CUX2: variants seen among roughly 807,000 people sequenced by gnomAD.
CUX2 encodes the protein cut like homeobox 2.
In CUX2, 40 loss-of-function variants were observed where a neutral mutation model predicts 144.8. The ratio of observed to expected loss-of-function variants is 0.28; its 90% confidence interval spans 0.21 to 0.36. The LOEUF (loss-of-function observed/expected upper bound fraction) is 0.36. Ranked by LOEUF, CUX2 falls within the 10% of genes least tolerant of loss-of-function variation. CUX2 has a pLI of 1.00. For missense variants in CUX2, 1,615 were observed against 1,994.0 expected (o/e 0.81, Z 3.62); for synonymous variants, 827 against 875.6 (o/e 0.94, Z 0.98).
chr12:111,301,129 C>A (rs552788515), intron 9 of CUX2, among the ~76,000 whole-genome samples: 3 of 151,602 alleles, frequency 2.0e-5, no homozygotes, highest in South Asian at 4.2e-4. Flanking sequence ...AAAACCCACA[C>A]ATTATGGAGA....
At chr12:111,294,920 G>C (rs976418269) in intron 6 of CUX2, among the ~76,000 whole-genome samples, 1 of 151,930 alleles carries the variant, frequency 6.6e-6, no homozygotes, top group Non-Finnish European at 1.5e-5. Context: ...AAAAGAAAAC[G>C]GAGGAAATAT....
chr12:111,210,512 G>C (rs1881159180), intron 1 of CUX2, among the ~76,000 whole-genome samples: 1 of 152,132 alleles, frequency 6.6e-6, no homozygotes, highest in Admixed American at 6.5e-5. Context: ...TATCAGCCAA[G>C]GCCAGGCACA....
intron 1 of CUX2, among the ~76,000 whole-genome samples, chr12:111,131,843 C>G (rs73413579): frequency 0.019 from 2,953 of 152,294 alleles, 88 homozygotes; most frequent in African/African-American, 0.066. Context: ...TACAGCCTCC[C>G]TCTCAGACAC....
At chr12:111,302,466 G>A (rs564035052) in intron 9 of CUX2, among the ~76,000 whole-genome samples, 2 of 152,294 alleles carry the variant, frequency 1.3e-5, no homozygotes, top group African/African-American at 4.8e-5. Context: ...CCGAGGCTGG[G>A]GAGATGAAGC....
chr12:111,323,210 A>G (rs1887620406), intron 18 of CUX2, among the ~76,000 whole-genome samples: 1 of 152,224 alleles, frequency 6.6e-6, no homozygotes, highest in African/African-American at 2.4e-5. Context: ...GACTGCAAGG[A>G]GAGGACATCA....
chr12:111,206,966 G>A (rs374328485), intron 1 of CUX2, among the ~76,000 whole-genome samples: 4 of 152,308 alleles, frequency 2.6e-5, no homozygotes, highest in African/African-American at 7.2e-5. Context: ...TAAATGGATG[G>A]TGGTTGGATG....
chr12:111,075,576 C>T (rs1441159866), intron 1 of CUX2, among the ~76,000 whole-genome samples: 2 of 152,078 alleles, frequency 1.3e-5, no homozygotes, highest in Non-Finnish European at 2.9e-5. Context: ...TGCTCACCTT[C>T]CATGTCCATT....
chr12:111,292,736 G>C (rs1474888266), intron 5 of CUX2, among the ~76,000 whole-genome samples: 1 of 152,234 alleles, frequency 6.6e-6, no homozygotes, highest in Non-Finnish European at 1.5e-5. Flanking sequence ...TAGGGCTGCA[G>C]GAAGGGGAAT....
At chr12:111,245,795 C>T (rs1263898302) in intron 3 of CUX2, among the ~76,000 whole-genome samples, 1 of 151,940 alleles carries the variant, frequency 6.6e-6, no homozygotes. Context: ...GTGTCCAGGT[C>T]CACAACCTGG....
At position 111,293,524 on chromosome 12, in the gene CUX2, T is replaced by A; in HGVS notation, c.515T>A (p.Leu172His). 1 of 1,601,238 alleles carries A rather than the reference T, an allele frequency of 6.2e-7. No individual in the cohort carries two copies. Among genetic ancestry groups the A allele is most frequent in the Admixed American group, 1.7e-5 (1 of 57,330 alleles). The part of the protein sequence containing the change: ...SRLPGIPGKA[L>H]LTETLLQRNE... ...CTCCCAGGCATTCCCGGGAAAGCCC[T>A]CCTGACAGAAACCTTGCTGCAGAGA... The change falls in exon 6 of 22, where the codon CTC becomes CAC. Residue 172 changes from leucine (L) to histidine (H), a missense_variant. By Grantham distance (99) the Leu-to-His change is moderately conservative (BLOSUM62 -3). This residue lies in a region of CUX2 where 295 missense variants were observed against 400.2 expected (regional missense o/e 0.74). Coordinates refer to ENST00000261726, the MANE Select transcript of CUX2 (RefSeq NM_015267.4). This position sits in a 1 kb window ranked among gnomAD's most constrained non-coding sequence, Gnocchi z 4.5.
intron 1 of CUX2, among the ~76,000 whole-genome samples, chr12:111,047,734 T>C (rs1029641318): frequency 6.6e-6 from 1 of 152,206 alleles, no homozygotes. Flanking sequence ...GAGCACGTGC[T>C]ATAGGCCCCG....
rs1181789320 is a variant in CUX2 at position 111,277,953 on chromosome 12, AG to A, written c.302-13461del. ...GTTGTTTCTGAAAGCAGGAGGCTGC[AG>A]GGGAGAAGTCATTTCCTTGTCTTTT... is the stretch of plus-strand genomic sequence containing the variant. On this transcript the variant is annotated intron_variant, in intron 4 of 21. Transcript: ENST00000261726. The surrounding 1 kb of genome is among the most constrained non-coding windows in gnomAD (Gnocchi z 5.0). 6.6e-6 allele frequency among the ~76,000 whole-genome samples: 1 copy of A among 152,224 alleles called. No individual in the cohort carries two copies. The highest frequency in any genetic ancestry group is 1.5e-5 in the Non-Finnish European group (1 of 68,024).
intron 1 of CUX2, among the ~76,000 whole-genome samples, chr12:111,154,305 G>A (rs777625136): frequency 2.6e-5 from 4 of 152,118 alleles, no homozygotes; most frequent in African/African-American, 7.2e-5. Flanking sequence ...TGTGCCTGAC[G>A]TGTGCATCCC....
intron 9 of CUX2, among the ~76,000 whole-genome samples, chr12:111,301,431 G>A (rs578047153): frequency 1.1e-4 from 17 of 152,156 alleles, no homozygotes; most frequent in Non-Finnish European, 2.1e-4. Flanking sequence ...TACCTCCCAA[G>A]TGTCATGTGG....
intron 1 of CUX2, among the ~76,000 whole-genome samples, chr12:111,089,364 GA>G (rs1872428360): frequency 6.6e-6 from 1 of 152,180 alleles, no homozygotes; most frequent in Non-Finnish European, 1.5e-5. Context: ...GGATTAAATA[GA>G]AAATATGTTT....
chr12:111,121,506 AGCTGGGACTACAGGTTTGT>A (rs1470919411), intron 1 of CUX2, among the ~76,000 whole-genome samples: 1 of 149,658 alleles, frequency 6.7e-6, no homozygotes, highest in Non-Finnish European at 1.5e-5. Context: ...CCTCCCGAGT[AGCTGGGACTACAGGTTTGT>A]GCCACCACAC....
At chr12:111,115,025 A>G (rs553477441) in intron 1 of CUX2, among the ~76,000 whole-genome samples, 4 of 152,304 alleles carry the variant, frequency 2.6e-5, no homozygotes, top group Admixed American at 2.0e-4. Flanking sequence ...ATTGATCAAT[A>G]TGTCTATCCT....
At chr12:111,100,233 C>A (rs1873135318) in intron 1 of CUX2, 1 of 355,510 alleles carries the variant, frequency 2.8e-6, no homozygotes, top group East Asian at 7.5e-5. Flanking sequence ...CTGTGTGTGT[C>A]CTTGTGCCTG....
rs887921170 is a variant in CUX2 at position 111,077,968 on chromosome 12, G to A, written c.63+43728G>A. ...AGCAAGAAAGAAGAGAGGAAACAAA[G>A]GGAGTCCAGGTGGTACCCAGGGGTG... is the stretch of plus-strand genomic sequence containing the variant. On this transcript the variant is annotated intron_variant, in intron 1 of 21. Coordinates refer to ENST00000261726, the MANE Select transcript of CUX2 (RefSeq NM_015267.4). This position sits in a 1 kb window ranked among gnomAD's most constrained non-coding sequence, Gnocchi z 4.1. Among the ~76,000 whole-genome samples the A allele has an allele frequency of 6.6e-6, 1 of 152,214 alleles. No individual in the cohort carries two copies. Among genetic ancestry groups the A allele is most frequent in the Non-Finnish European group, 1.5e-5 (1 of 68,030 alleles).
Sources: gnomAD v4.1 joint callset for allele counts (sites outside exome capture counted in the v4.1 genomes callset) on GRCh38, gnomAD v4.1.1 for gene constraint, gnomAD v4.1.1 regional missense constraint, Gnocchi (gnomAD v3.1) non-coding constraint, MANE v1.5 for transcripts, NCBI Gene and HGNC (gene_info 2026-07-23, HGNC 2026-07-21) for gene names.